HMGA2: variants seen among roughly 807,000 people sequenced by gnomAD.
The protein encoded by HMGA2 is high mobility group AT-hook 2.
Under a neutral mutation model 19.1 loss-of-function variants are expected in HMGA2, and 8 were observed. That is an observed-to-expected ratio of 0.42 (90% confidence interval 0.25 to 0.76). The LOEUF (loss-of-function observed/expected upper bound fraction) is 0.76, where lower values mean the gene tolerates loss of function less well. HMGA2 is among the 30% of genes least tolerant of loss of function. The pLI, the probability that HMGA2 is intolerant of heterozygous loss-of-function variation, is 0.28. For missense variants in HMGA2, 109 were observed against 136.3 expected (o/e 0.80, Z 1.00); for synonymous variants, 60 against 48.8 (o/e 1.23, Z -0.96).
chr12:65,949,842 T>C (rs1176943803), intron 3 of HMGA2, among the ~76,000 whole-genome samples: 1 of 152,200 alleles, frequency 6.6e-6, no homozygotes, highest in African/African-American at 2.4e-5. Flanking sequence ...AAAAGAACTC[T>C]TACAACTTTG....
chr12:65,896,669 G>T (rs1386770459), intron 3 of HMGA2, among the ~76,000 whole-genome samples: 1 of 152,194 alleles, frequency 6.6e-6, no homozygotes, highest in African/African-American at 2.4e-5. Context: ...ATGGCCAATG[G>T]CAAGGCCTTT....
At chr12:65,958,320 T>C (rs544340818) in intron 4 of HMGA2, 2 of 152,336 alleles carry the variant, frequency 1.3e-5, no homozygotes, top group South Asian at 4.1e-4. Flanking sequence ...ATTGTCTCCT[T>C]TTGAAAAACA....
At chr12:65,850,788 T>C (rs1871427097) in intron 3 of HMGA2, among the ~76,000 whole-genome samples, 1 of 152,228 alleles carries the variant, frequency 6.6e-6, no homozygotes, top group African/African-American at 2.4e-5. Flanking sequence ...ACTTGCAGTC[T>C]TGAAGTTATC....
chr12:65,958,606 C>G (rs1172175403), intron 4 of HMGA2: 1 of 152,076 alleles, frequency 6.6e-6, no homozygotes, highest in East Asian at 1.9e-4. Context: ...GAAGAGAGCC[C>G]TTTATTTCTG....
chr12:65,899,584 C>G (rs751219070), intron 3 of HMGA2, among the ~76,000 whole-genome samples: 1 of 152,208 alleles, frequency 6.6e-6, no homozygotes, highest in Non-Finnish European at 1.5e-5. Context: ...GGGAAAGGAA[C>G]TGGAAACGTT....
At chr12:65,926,176 G>T (rs1356633090) in intron 3 of HMGA2, among the ~76,000 whole-genome samples, 1 of 152,160 alleles carries the variant, frequency 6.6e-6, no homozygotes, top group Non-Finnish European at 1.5e-5. Context: ...TCGGATTTTT[G>T]AAAAGTGTTA....
rs541681588 is a variant in HMGA2, at chr12:65,832,999, C to T, written c.198+4912C>T. ...TTGGTTTTAATTTAGTGTTTGTATA[C>T]ATGAAGATAAGCATGTGCAAAATAA... On this transcript the variant is annotated intron_variant, in intron 2 of 4. Transcript: ENST00000403681. 9.3e-4 allele frequency among the ~76,000 whole-genome samples: 141 copies of T among 152,038 alleles called. 5 individuals carry two copies. In the South Asian group the frequency reaches 0.029, roughly 31 times the overall value.
intron 4 of HMGA2, chr12:65,955,450 G>A (rs1370044532): frequency 1.3e-5 from 2 of 152,254 alleles, no homozygotes; most frequent in Admixed American, 1.3e-4. Flanking sequence ...GTATTTGATC[G>A]TTTATTGCTA....
rs529525210 is a variant in HMGA2 at position 65,845,905 on chromosome 12, C to G, written c.249+7336C>G. Among the ~76,000 whole-genome samples, 36 of 152,322 alleles carry G rather than the reference C, an allele frequency of 2.4e-4. No individual in the cohort carries two copies. The South Asian group carries it at 6.4e-3, about 27-fold the overall frequency. On this transcript the variant is annotated intron_variant, in intron 3 of 4. Transcript: ENST00000403681. ...GATTATTGAGTTTGTGATGATCCAG[C>G]CTCTTGTCCCCTTCTTTGCTTTGTT...
intron 3 of HMGA2, among the ~76,000 whole-genome samples, chr12:65,855,716 A>ATGATGATGC (rs1565709447): frequency 6.6e-6 from 1 of 151,810 alleles, no homozygotes; most frequent in East Asian, 1.9e-4. Context: ...GATGATGATG[A>ATGATGATGC]TGATGATGAT....
intron 3 of HMGA2, among the ~76,000 whole-genome samples, chr12:65,896,708 A>G (rs1874146630): frequency 6.6e-6 from 1 of 152,172 alleles, no homozygotes; most frequent in African/African-American, 2.4e-5. Flanking sequence ...CTATATACTG[A>G]TCTGATCTAC....
chr12:65,884,817 C>T (rs1031559538), intron 3 of HMGA2, among the ~76,000 whole-genome samples: 2 of 152,154 alleles, frequency 1.3e-5, no homozygotes, highest in Non-Finnish European at 2.9e-5. Context: ...TTAGTTGCCT[C>T]AGCTGCAAAT....
chr12:65,942,058 T>C (rs1876108104), intron 3 of HMGA2, among the ~76,000 whole-genome samples: 1 of 152,250 alleles, frequency 6.6e-6, no homozygotes, highest in Non-Finnish European at 1.5e-5. Flanking sequence ...GCCAACGTGA[T>C]TGGAGTATTA....
intron 3 of HMGA2, among the ~76,000 whole-genome samples, chr12:65,931,737 G>A (rs1328640216): frequency 6.6e-6 from 1 of 152,142 alleles, no homozygotes; most frequent in Non-Finnish European, 1.5e-5. Context: ...GAACGACACA[G>A]TCAATGCAGG....
At chr12:65,887,942 A>G (rs1365974144) in intron 3 of HMGA2, among the ~76,000 whole-genome samples, 1 of 151,048 alleles carries the variant, frequency 6.6e-6, no homozygotes, top group Non-Finnish European at 1.5e-5. Flanking sequence ...CTTCCTTGCC[A>G]TCACTCCAAG....
At chr12:65,848,932 A>G (rs1446655999) in intron 3 of HMGA2, among the ~76,000 whole-genome samples, 2 of 152,242 alleles carry the variant, frequency 1.3e-5, no homozygotes, top group East Asian at 3.8e-4. Flanking sequence ...GAAAACCCAA[A>G]TATCTTCAAT....
At chr12:65,827,875 G>T in intron 1 of HMGA2, 126 bp from the exon 2 acceptor site, 2 of 729,328 alleles carry the variant, frequency 2.7e-6, no homozygotes, top group South Asian at 1.5e-5. Context: ...ATCCATTTAT[G>T]CTTGAACTGA....
chr12:65,843,891 A>G (rs1871120367), intron 3 of HMGA2, among the ~76,000 whole-genome samples: 1 of 152,020 alleles, frequency 6.6e-6, no homozygotes, highest in Non-Finnish European at 1.5e-5. Flanking sequence ...TCCATCAATA[A>G]TACAAAAACT....
At chr12:65,940,715 A>G (rs1876064595) in intron 3 of HMGA2, among the ~76,000 whole-genome samples, 1 of 152,210 alleles carries the variant, frequency 6.6e-6, no homozygotes. Flanking sequence ...GTGGAGCTAT[A>G]CAACCTGGGT....
Sources: gnomAD v4.1 joint callset for allele counts (sites outside exome capture counted in the v4.1 genomes callset) on GRCh38, gnomAD v4.1.1 for gene constraint, MANE v1.5 for transcripts, NCBI Gene and HGNC (gene_info 2026-07-23, HGNC 2026-07-21) for gene names.